Variants in STPG2 observed in about 807,000 individuals in gnomAD.
The protein encoded by STPG2 is sperm-tail PG-rich repeat-containing protein 2.
A neutral mutation model predicts 54.2 loss-of-function variants in STPG2; 56 were observed. The observed-to-expected ratio is 1.03, with a 90% CI of 0.83 to 1.29. The LOEUF is 1.29. STPG2 is among the 50% of genes most tolerant of loss of function. The pLI, the probability that STPG2 is intolerant of heterozygous loss-of-function variation, is 0.00. For synonymous variants in STPG2, 200 were observed against 181.8 expected (o/e 1.10, Z -0.81); for missense variants, 596 against 544.9 (o/e 1.09, Z -0.93).
At chr4:97,466,013 G>A (rs1012284359) in intron 4 of STPG2, among the ~76,000 whole-genome samples, 3 of 151,634 alleles carry the variant, frequency 2.0e-5, no homozygotes, top group African/African-American at 7.3e-5. Flanking sequence ...AGAAAAATTT[G>A]TTCAAAACCA....
In STPG2 at chr4:97,809,676, T is replaced by A. The variant is rs562574896; in HGVS notation, c.1204+31097A>T. ...ATCAGAAAGAAAACATGGACTTCTGTCCTAAAGAACTTAATTCGGCCAACA... is the reference window on the plus strand; with the variant it reads ...ATCAGAAAGAAAACATGGACTTCTGACCTAAAGAACTTAATTCGGCCAACA... On this transcript the variant is annotated intron_variant, in intron 9 of 10. Coordinates refer to ENST00000295268, the MANE Select transcript of STPG2 (RefSeq NM_174952.3). Among the ~76,000 whole-genome samples the A allele has an allele frequency of 1.8e-4, 28 of 152,236 alleles. 1 individual carries two copies. Among genetic ancestry groups the A allele is most frequent in the African/African-American group, 6.3e-4 (26 of 41,532 alleles).
At chr4:97,956,453 C>T (rs1420182241) in intron 7 of STPG2, among the ~76,000 whole-genome samples, 1 of 152,086 alleles carries the variant, frequency 6.6e-6, no homozygotes, top group Non-Finnish European at 1.5e-5. Flanking sequence ...CTTGGAAGGA[C>T]AGAGCAGTGT....
At chr4:98,070,167 C>T (rs1737957259) in intron 5 of STPG2, among the ~76,000 whole-genome samples, 1 of 152,038 alleles carries the variant, frequency 6.6e-6, no homozygotes, top group South Asian at 2.1e-4. Flanking sequence ...AGCTTATCGA[C>T]CACAATCAAG....
chr4:97,621,348 A>G (rs1418657284), intron 10 of STPG2, among the ~76,000 whole-genome samples: 2 of 152,128 alleles, frequency 1.3e-5, no homozygotes, highest in African/African-American at 2.4e-5. Flanking sequence ...TAATGAATCC[A>G]GAGTTGGTAG....
intron 8 of STPG2, among the ~76,000 whole-genome samples, chr4:97,923,780 C>A (rs192702060): frequency 3.9e-5 from 6 of 152,238 alleles, no homozygotes; most frequent in African/African-American, 1.2e-4. Flanking sequence ...GTTTGTAAAC[C>A]AATCAACACT....
intron 4 of STPG2, among the ~76,000 whole-genome samples, chr4:97,521,356 C>T (rs1731176953): frequency 6.6e-6 from 1 of 152,020 alleles, no homozygotes. Flanking sequence ...TGATTGGAAA[C>T]TACTCATATT....
intron 8 of STPG2, among the ~76,000 whole-genome samples, chr4:97,897,822 T>G (rs191027600): frequency 6.6e-6 from 1 of 152,324 alleles, no homozygotes; most frequent in Non-Finnish European, 1.5e-5. Flanking sequence ...GTCAGGTGCA[T>G]AGTTTACAAA....
At chr4:97,942,937 A>T (rs1168553159) in intron 8 of STPG2, among the ~76,000 whole-genome samples, 1 of 152,206 alleles carries the variant, frequency 6.6e-6, no homozygotes, top group Non-Finnish European at 1.5e-5. Context: ...AAAAGGCTAC[A>T]CTGTAACATT....
chr4:97,808,403 G>C (rs1265441546), intron 9 of STPG2, among the ~76,000 whole-genome samples: 1 of 151,910 alleles, frequency 6.6e-6, no homozygotes, highest in Non-Finnish European at 1.5e-5. Flanking sequence ...ACTAATACCT[G>C]ACTTTGATAA....
chr4:97,834,022 G>T (rs1332569127), intron 9 of STPG2, among the ~76,000 whole-genome samples: 1 of 152,142 alleles, frequency 6.6e-6, no homozygotes, highest in South Asian at 2.1e-4. Flanking sequence ...ATACCCAAAG[G>T]ATTATAAATC....
At chr4:97,797,808 G>C (rs149168970) in intron 9 of STPG2, among the ~76,000 whole-genome samples, 62 of 152,160 alleles carry the variant, frequency 4.1e-4, no homozygotes, top group African/African-American at 1.4e-3. Flanking sequence ...CTGCGAATCC[G>C]TCTGGTCCTG....
intron 4 of STPG2, among the ~76,000 whole-genome samples, chr4:97,452,403 C>A (rs1281287605): frequency 1.3e-5 from 2 of 152,058 alleles, no homozygotes; most frequent in African/African-American, 2.4e-5. Flanking sequence ...CTTTTTTAGG[C>A]CAGGAACGGC....
chr4:98,047,549 C>T (rs2149311563), intron 5 of STPG2, among the ~76,000 whole-genome samples: 1 of 152,170 alleles, frequency 6.6e-6, no homozygotes, highest in Middle Eastern at 3.4e-3. Context: ...TGTTTAAATC[C>T]ACATCTTTAT....
chr4:97,658,635 G>A (rs1203051935), intron 10 of STPG2, among the ~76,000 whole-genome samples: 1 of 152,202 alleles, frequency 6.6e-6, no homozygotes, highest in South Asian at 2.1e-4. Flanking sequence ...TAAAGAAAGA[G>A]GCCAAGAGAG....
At chr4:97,587,287 T>C (rs1392708061) in intron 10 of STPG2, among the ~76,000 whole-genome samples, 1 of 151,966 alleles carries the variant, frequency 6.6e-6, no homozygotes, top group Non-Finnish European at 1.5e-5. Flanking sequence ...TTTAAAGCTC[T>C]GATTTCCTAA....
chr4:97,763,736 C>T (rs1011623582), intron 9 of STPG2, among the ~76,000 whole-genome samples: 1 of 152,134 alleles, frequency 6.6e-6, no homozygotes, highest in African/African-American at 2.4e-5. Flanking sequence ...ACCAGCCCTA[C>T]CAGCAAGGGG....
At chr4:97,687,900 A>T (rs1723249015) in intron 10 of STPG2, among the ~76,000 whole-genome samples, 1 of 152,174 alleles carries the variant, frequency 6.6e-6, no homozygotes, top group South Asian at 2.1e-4. Context: ...ATAAAAGAAT[A>T]AAATTAGAGA....
chr4:97,980,820 T>C (rs1734650144), intron 6 of STPG2, among the ~76,000 whole-genome samples: 3 of 152,174 alleles, frequency 2.0e-5, no homozygotes, highest in Admixed American at 1.3e-4. Context: ...TTAACAAAAC[T>C]GAACATCATA....
intron 10 of STPG2, among the ~76,000 whole-genome samples, chr4:97,663,694 T>A (rs916259622): frequency 6.6e-6 from 1 of 152,208 alleles, no homozygotes; most frequent in Non-Finnish European, 1.5e-5. Context: ...CAGTTCTGTG[T>A]CATTGGACTT....
Sources: allele counts gnomAD v4.1 joint callset (sites outside exome capture counted in the v4.1 genomes callset), GRCh38; gene constraint gnomAD v4.1.1; transcripts MANE v1.5; gene names NCBI Gene and HGNC (gene_info 2026-07-23, HGNC 2026-07-21).